CSMD1: variants seen among roughly 807,000 people sequenced by gnomAD.
The protein encoded by CSMD1 is CUB and Sushi multiple domains 1.
Under a neutral mutation model 417.5 loss-of-function variants are expected in CSMD1, and 213 were observed. The ratio of observed to expected loss-of-function variants is 0.51; its 90% confidence interval spans 0.46 to 0.57. The LOEUF (loss-of-function observed/expected upper bound fraction) is 0.57. CSMD1 is among the 20% of genes least tolerant of loss of function. CSMD1 has a pLI of 0.00. For synonymous variants in CSMD1, 2,862 were observed against 1,736.8 expected, an observed-to-expected ratio of 1.65 and a Z score of -16.11; for missense variants, 6,923 against 4,529.7, an observed-to-expected ratio of 1.53 and a Z score of -15.17.
At chr8:3,162,339 A>C (rs2129040453) in intron 37 of CSMD1, 62 bp from the exon 38 acceptor site, 1 of 1,084,200 alleles carries the variant, frequency 9.2e-7, no homozygotes. Context: ...TATCATTTGA[A>C]TAACCAAAGT....
rs762202588 is a variant in CSMD1, at chr8:3,214,531, T to C, written c.4833A>G (p.Lys1611=). ...SITCVIGADG[K]PSWDQVLPSC... ...AGGGCAGCACTTGGTCCCAGGAGGG[T>C]TTCCCATCAGCCCCAATCACACAGG... is the stretch of plus-strand genomic sequence containing the variant. The change falls in exon 30 of 70, where the codon AAA becomes AAG. Residue 1611 remains lysine, a synonymous_variant. Transcript: ENST00000635120. 3.1e-6 allele frequency: 5 copies of C among 1,600,090 alleles called. No homozygotes were observed. Among genetic ancestry groups the C allele is most frequent in the South Asian group, 1.1e-5 (1 of 87,938 alleles).
chr8:4,293,041 G>T (rs1222683661), intron 3 of CSMD1, among the ~76,000 whole-genome samples: 1 of 152,158 alleles, frequency 6.6e-6, no homozygotes, highest in African/African-American at 2.4e-5. Flanking sequence ...GGCTTGAGAA[G>T]GGGCTATTCC....
intron 2 of CSMD1, among the ~76,000 whole-genome samples, chr8:4,608,583 G>A (rs1324746083): frequency 2.0e-5 from 3 of 152,224 alleles, no homozygotes; most frequent in Non-Finnish European, 4.4e-5. Flanking sequence ...GATAAGGGAT[G>A]CGATGGCAAA....
intron 11 of CSMD1, among the ~76,000 whole-genome samples, chr8:3,472,647 G>C (rs1466768133): frequency 6.6e-6 from 1 of 151,908 alleles, no homozygotes; most frequent in African/African-American, 2.4e-5. Flanking sequence ...TTTTTTTCCT[G>C]AATTATAGTC....
At chr8:2,944,854 T>A (rs1554468224) in intron 68 of CSMD1, among the ~76,000 whole-genome samples, 1 of 151,978 alleles carries the variant, frequency 6.6e-6, no homozygotes, top group Non-Finnish European at 1.5e-5. Context: ...TTACTTTTTT[T>A]AATCTGAAAA....
At chr8:4,327,091 C>T (rs1373699606) in intron 3 of CSMD1, among the ~76,000 whole-genome samples, 1 of 152,064 alleles carries the variant, frequency 6.6e-6, no homozygotes, top group African/African-American at 2.4e-5. Context: ...GTAGCATATT[C>T]TTGAACAGGA....
chr8:3,603,633 A>G (rs1319099086), intron 8 of CSMD1, among the ~76,000 whole-genome samples: 1 of 152,236 alleles, frequency 6.6e-6, no homozygotes, highest in Non-Finnish European at 1.5e-5. Flanking sequence ...GGATTATGTC[A>G]CAAAGGGGAT....
intron 3 of CSMD1, among the ~76,000 whole-genome samples, chr8:4,405,071 G>A (rs1364106988): frequency 1.3e-5 from 2 of 152,316 alleles, no homozygotes; most frequent in African/African-American, 4.8e-5. Context: ...TCAAATCAAT[G>A]CTGCATCCAT....
chr8:4,605,565 T>C (rs116301012), intron 2 of CSMD1, among the ~76,000 whole-genome samples: 2,343 of 152,332 alleles, frequency 0.015, 59 homozygotes, highest in African/African-American at 0.054. Flanking sequence ...TTATCTTTTC[T>C]CTAAAGACTT....
chr8:4,183,878 T>C (rs910589817), intron 3 of CSMD1, among the ~76,000 whole-genome samples: 1 of 152,138 alleles, frequency 6.6e-6, no homozygotes, highest in Non-Finnish European at 1.5e-5. Flanking sequence ...GTTTTTTAGT[T>C]GGGGCATGTG....
At chr8:4,402,908 C>T (rs1360989458) in intron 3 of CSMD1, among the ~76,000 whole-genome samples, 2 of 149,242 alleles carry the variant, frequency 1.3e-5, no homozygotes, top group African/African-American at 4.9e-5. Flanking sequence ...CCAGCTCCGC[C>T]TCCTGGGTTC....
At chr8:3,354,729 A>G (rs2117679338) in intron 21 of CSMD1, among the ~76,000 whole-genome samples, 1 of 151,622 alleles carries the variant, frequency 6.6e-6, no homozygotes, top group East Asian at 1.9e-4. Flanking sequence ...CGTTGTTTCA[A>G]TTTTTTAACC....
chr8:3,714,557 A>G (rs2623575), intron 6 of CSMD1, among the ~76,000 whole-genome samples: 15,819 of 127,552 alleles, frequency 0.12, 1,469 homozygotes, highest in East Asian at 0.21. Context: ...CCCCATCTCT[A>G]TCCCAAAAAA....
At chr8:4,396,307 A>AAG (rs932532184) in intron 3 of CSMD1, among the ~76,000 whole-genome samples, 2 of 151,444 alleles carry the variant, frequency 1.3e-5, no homozygotes, top group African/African-American at 4.9e-5. Flanking sequence ...TAAAAGTAAA[A>AAG]AAAAAAAAAA....
chr8:4,924,616 G>A (rs1442359018), intron 1 of CSMD1, among the ~76,000 whole-genome samples: 1 of 150,880 alleles, frequency 6.6e-6, no homozygotes, highest in Admixed American at 6.6e-5. Context: ...CAGCTACTCA[G>A]GAGGCTGAGA....
At chr8:3,849,763 G>C (rs188630241) in intron 5 of CSMD1, among the ~76,000 whole-genome samples, 2 of 152,232 alleles carry the variant, frequency 1.3e-5, no homozygotes. Flanking sequence ...AATATCTTTT[G>C]AGAAATGATA....
chr8:4,964,939 C>T (rs12115171), intron 1 of CSMD1, among the ~76,000 whole-genome samples: 9,370 of 152,206 alleles, frequency 0.062, 492 homozygotes, highest in East Asian at 0.16. Context: ...GTGAATTAAC[C>T]TTTCTTTGCA....
chr8:3,258,758 G>A (rs1011722837), intron 26 of CSMD1, among the ~76,000 whole-genome samples: 3 of 152,190 alleles, frequency 2.0e-5, no homozygotes, highest in Non-Finnish European at 4.4e-5. Context: ...ATACTATGCA[G>A]CTTTAAAAAA....
chr8:3,585,377 G>T (rs116260755), intron 9 of CSMD1, among the ~76,000 whole-genome samples: 3,621 of 151,994 alleles, frequency 0.024, 148 homozygotes, highest in African/African-American at 0.079. Context: ...GTCAAACTAG[G>T]GCTTTTTCTC....
Sources: gnomAD v4.1 joint callset for allele counts (sites outside exome capture counted in the v4.1 genomes callset) on GRCh38, gnomAD v4.1.1 for gene constraint, MANE v1.5 for transcripts, NCBI Gene and HGNC (gene_info 2026-07-23, HGNC 2026-07-21) for gene names.